Variants in DEFB1 observed in about 807,000 individuals in gnomAD.
The protein encoded by DEFB1 is defensin beta 1, also known as beta-defensin 1.
A neutral mutation model predicts 2.6 loss-of-function variants in DEFB1; 4 were observed. That is an observed-to-expected ratio of 1.53 (90% CI 0.76 to 3.51). DEFB1 has a LOEUF of 3.51. DEFB1 is among the 30% of genes most tolerant of loss of function. The probability of loss-of-function intolerance (pLI) is 0.01; values close to 1 mark genes in which losing one functional copy is unlikely to be tolerated. For missense variants in DEFB1, 162 were observed against 76.9 expected, an observed-to-expected ratio of 2.11 and a Z score of -4.14; for synonymous variants, 56 against 28.5, an observed-to-expected ratio of 1.96 and a Z score of -3.07.
intron 1 of DEFB1, among the ~76,000 whole-genome samples, chr8:6,871,720 C>G (rs1271793454): frequency 6.6e-6 from 1 of 152,184 alleles, no homozygotes; most frequent in African/African-American, 2.4e-5. Flanking sequence ...GACAGACACA[C>G]ACAGAGGAAA....
At chr8:6,875,458 A>G (rs1806488429) in intron 1 of DEFB1, among the ~76,000 whole-genome samples, 1 of 152,240 alleles carries the variant, frequency 6.6e-6, no homozygotes, top group South Asian at 2.1e-4. Context: ...ACATGGACAA[A>G]AGACAAACAG....
intron 1 of DEFB1, 92 bp downstream of exon 1, chr8:6,877,705 C>T (rs1417281359): frequency 5.1e-6 from 6 of 1,184,452 alleles, no homozygotes; most frequent in South Asian, 2.5e-5. Flanking sequence ...TTCCTCGTCC[C>T]TTGGGACACG....
At chr8:6,875,633 A>G (rs1806495938) in intron 1 of DEFB1, among the ~76,000 whole-genome samples, 1 of 152,240 alleles carries the variant, frequency 6.6e-6, no homozygotes, top group Non-Finnish European at 1.5e-5. Flanking sequence ...GCAAGGATAC[A>G]GAGCAAGAGG....
rs376595906 is a variant in DEFB1 at position 6,870,788 on chromosome 8, G to A, written c.100C>T (p.His34Tyr). The A allele has an allele frequency of 2.5e-6, 4 of 1,614,188 alleles. No individual in the cohort carries two copies. The highest frequency in any genetic ancestry group is 1.7e-6 in the Non-Finnish European group (2 of 1,180,028). Residue 34 changes from histidine to tyrosine, a missense_variant, in exon 2 of 2, where the codon CAT becomes TAT. By Grantham distance (83) the His-to-Tyr change is moderately conservative (BLOSUM62 2). Coordinates refer to ENST00000297439, the MANE Select transcript of DEFB1 (RefSeq NM_005218.4). ...CCTCCACTGCTGACGCAATTGTAATGATCAGATCTGTGGCCAAGGCCTGTG... is the reference window on the plus strand; with the variant it reads ...CCTCCACTGCTGACGCAATTGTAATAATCAGATCTGTGGCCAAGGCCTGTG... ...FLTGLGHRSD[H>Y]YNCVSSGGQC...
At chr8:6,872,369 A>G (rs894213052) in intron 1 of DEFB1, among the ~76,000 whole-genome samples, 1 of 152,244 alleles carries the variant, frequency 6.6e-6, no homozygotes, top group South Asian at 2.1e-4. Flanking sequence ...CACGAGCACT[A>G]TGTGGCTAGT....
In DEFB1 at chr8:6,874,118, TACACACAC is replaced by T. The variant is rs756827017; in HGVS notation, c.62-3300_62-3293del. 8.3e-5 allele frequency among the ~76,000 whole-genome samples: 10 copies of T among 120,314 alleles called. No homozygotes were observed. In the Admixed American group the frequency reaches 8.9e-4, roughly 11 times the overall value. The allele number at this position is 120,314 out of a possible 152,430, so 78.9% of individuals were successfully genotyped here. On this transcript the variant is annotated intron_variant, in intron 1 of 1. Coordinates refer to ENST00000297439, the MANE Select transcript of DEFB1 (RefSeq NM_005218.4). Reference sequence around the variant, plus strand: ...AAAAGAACAGCTAGAATATCTGACATACACACACACACACACACACACACACACGCACA... The same window carrying T: ...AAAAGAACAGCTAGAATATCTGACATACACACACACACACACACACGCACA...
intron 1 of DEFB1, among the ~76,000 whole-genome samples, chr8:6,871,261 C>T (rs980094970): frequency 2.6e-5 from 4 of 152,212 alleles, no homozygotes; most frequent in African/African-American, 9.6e-5. Context: ...TTCCCTCTGC[C>T]TTGAATCCCG....
At chr8:6,876,284 G>C (rs186853100) in intron 1 of DEFB1, among the ~76,000 whole-genome samples, 1 of 152,230 alleles carries the variant, frequency 6.6e-6, no homozygotes, top group Admixed American at 6.5e-5. Flanking sequence ...AGACCAGCAT[G>C]ACCAGCATGG....
chr8:6,872,071 A>G (rs944735414), intron 1 of DEFB1, among the ~76,000 whole-genome samples: 1 of 152,054 alleles, frequency 6.6e-6, no homozygotes, highest in African/African-American at 2.4e-5. Context: ...CAGTAATTCC[A>G]CTTTTGAAAA....
intron 1 of DEFB1, among the ~76,000 whole-genome samples, chr8:6,872,997 C>T (rs937315482): frequency 6.6e-6 from 1 of 152,206 alleles, no homozygotes; most frequent in African/African-American, 2.4e-5. Context: ...AATTTGAAAG[C>T]ACTTTGAAAT....
Position 6,870,949 on chromosome 8 carries a change from G to T in DEFB1, c.62-123C>A, listed in dbSNP as rs5743486. 1,563 of 1,124,100 alleles carry T rather than the reference G, an allele frequency of 1.4e-3. 17 individuals carry two copies. The African/African-American group carries it at 0.022, about 16-fold the overall frequency. The allele number at this position is 1,124,100 out of a possible 1,614,324, so 69.6% of individuals were successfully genotyped here. The stretch of plus-strand genomic sequence containing the variant: ...GGAGAGTCTTCTCTTCCAAGAAATT[G>T]GCCCATGATTGATCTTTGGGGCTAC... On this transcript the variant is annotated intron_variant, in intron 1 of 1. Transcript: ENST00000297439.
intron 1 of DEFB1, among the ~76,000 whole-genome samples, chr8:6,871,957 A>T (rs1348921786): frequency 6.6e-6 from 1 of 152,230 alleles, no homozygotes; most frequent in East Asian, 1.9e-4. Flanking sequence ...CCTAGGAGAC[A>T]GTACATTCTC....
intron 1 of DEFB1, among the ~76,000 whole-genome samples, chr8:6,873,890 T>A (rs1806418643): frequency 6.6e-6 from 1 of 152,212 alleles, no homozygotes; most frequent in Non-Finnish European, 1.5e-5. Context: ...GGTTCCTTCC[T>A]GTTGGAGCAG....
intron 1 of DEFB1, among the ~76,000 whole-genome samples, chr8:6,875,086 A>ACACACC (rs1261560625): frequency 3.3e-5 from 5 of 151,822 alleles, no homozygotes; most frequent in Admixed American, 6.6e-5. Flanking sequence ...ACACACACAC[A>ACACACC]CACACACACA....
intron 1 of DEFB1, among the ~76,000 whole-genome samples, chr8:6,871,060 G>T (rs5743485): frequency 0.019 from 2,844 of 152,338 alleles, 95 homozygotes; most frequent in African/African-American, 0.06. Flanking sequence ...GAGCAGTGGG[G>T]TTCTGAGTGG....
intron 1 of DEFB1, among the ~76,000 whole-genome samples, chr8:6,871,457 G>A (rs1049422313): frequency 1.3e-5 from 2 of 152,000 alleles, no homozygotes; most frequent in African/African-American, 2.4e-5. Context: ...TCTATTCCAT[G>A]CAACAGGGAA....
intron 1 of DEFB1, among the ~76,000 whole-genome samples, chr8:6,873,566 C>CAGCT (rs1191184098): frequency 1.3e-5 from 2 of 152,178 alleles, no homozygotes; most frequent in African/African-American, 4.8e-5. Flanking sequence ...AACACAGATG[C>CAGCT]AGCTGGAGGC....
At chr8:6,875,289 A>T (rs1480610413) in intron 1 of DEFB1, among the ~76,000 whole-genome samples, 1 of 152,214 alleles carries the variant, frequency 6.6e-6, no homozygotes, top group Non-Finnish European at 1.5e-5. Flanking sequence ...AAATCATGAT[A>T]AAAGCCTCTT....
At chr8:6,874,405 C>A (rs1053115738) in intron 1 of DEFB1, among the ~76,000 whole-genome samples, 1 of 152,190 alleles carries the variant, frequency 6.6e-6, no homozygotes, top group East Asian at 1.9e-4. Flanking sequence ...TGGGAATCCC[C>A]AGAGGTTCTA....
Sources: allele counts gnomAD v4.1 joint callset (sites outside exome capture counted in the v4.1 genomes callset), GRCh38; gene constraint gnomAD v4.1.1; transcripts MANE v1.5; gene names NCBI Gene and HGNC (gene_info 2026-07-23, HGNC 2026-07-21).